Variants in ANGPTL1 observed in about 807,000 individuals in gnomAD.
ANGPTL1 encodes angiopoietin-related protein 1.
ANGPTL1 carries 36 observed loss-of-function variants against 46.7 expected under a neutral mutation model. That is an observed-to-expected ratio of 0.77 (90% CI 0.59 to 1.02). ANGPTL1 has a LOEUF of 1.02. ANGPTL1 is among the 50% of genes least tolerant of loss of function. The pLI, the probability that ANGPTL1 is intolerant of heterozygous loss-of-function variation, is 0.00. For synonymous variants in ANGPTL1, 221 were observed against 204.3 expected (o/e 1.08, Z -0.69); for missense variants, 571 against 594.7 (o/e 0.96, Z 0.41).
In ANGPTL1 at chr1:178,852,717, G is replaced by A. The variant is rs759074163; in HGVS notation, c.1254C>T (p.Phe418=). ...TATCTTTATCTCTGTCCAGTGTGGT[G>A]AATTGTTTACCATTATGCCACATCA... is the stretch of plus-strand genomic sequence containing the variant. ...DSMMWHNGKQ[F]TTLDRDKDMY... is the part of the protein sequence containing the mutation. The change falls in exon 5 of 6, where the codon TTC becomes TTT. Residue 418 remains phenylalanine, a synonymous_variant. Transcript: ENST00000234816. 2.5e-6 allele frequency: 4 copies of A among 1,613,704 alleles called. No homozygotes were observed. The African/African-American group carries it at 4.0e-5, about 16-fold the overall frequency.
chr1:178,868,753 A>C (rs1454776207), intron 2 of ANGPTL1, among the ~76,000 whole-genome samples: 6 of 152,016 alleles, frequency 3.9e-5, no homozygotes, highest in Non-Finnish European at 7.4e-5. Context: ...ATCACTGTTT[A>C]CCATAAGAGA....
At position 178,871,002 on chromosome 1, in the gene ANGPTL1, C is replaced by T. The variant is rs1658723567; in HGVS notation, c.-398G>A. On this transcript the variant is annotated 5_prime_UTR_variant, in exon 1 of 6. Coordinates refer to ENST00000234816, the MANE Select transcript of ANGPTL1 (RefSeq NM_004673.4). Reference sequence around the variant, plus strand: ...GCCGTCTTTAATCCAGCAGAGAAAGCGTTGTGGCTTTGCTCTGTCTGCCAC... The same window carrying T: ...GCCGTCTTTAATCCAGCAGAGAAAGTGTTGTGGCTTTGCTCTGTCTGCCAC... 4 of 152,146 alleles carry T rather than the reference C, an allele frequency of 2.6e-5. No individual in the cohort carries two copies. Among genetic ancestry groups the T allele is most frequent in the South Asian group, 2.1e-4 (1 of 4,828 alleles). 9.4% of individuals were successfully genotyped at this position (152,146 alleles called of 1,614,324 possible). A position where few individuals can be genotyped will look rare whatever the true frequency, so the allele number is the denominator to read the frequency against.
chr1:178,868,530 C>A, intron 2 of ANGPTL1, among the ~76,000 whole-genome samples: 1 of 151,830 alleles, frequency 6.6e-6, no homozygotes, highest in Admixed American at 6.6e-5. Context: ...GAGCAATATT[C>A]TGATTGAACA....
At chr1:178,858,831 A>G (rs1423513703) in intron 3 of ANGPTL1, among the ~76,000 whole-genome samples, 2 of 152,210 alleles carry the variant, frequency 1.3e-5, no homozygotes, top group Non-Finnish European at 2.9e-5. Context: ...CATCTGTAAC[A>G]TATGTGTTCT....
chr1:178,864,645 A>G (rs1288293814), intron 3 of ANGPTL1, among the ~76,000 whole-genome samples: 1 of 152,180 alleles, frequency 6.6e-6, no homozygotes, highest in Non-Finnish European at 1.5e-5. Flanking sequence ...TATGGTGCAC[A>G]GGAGTGGTTC....
intron 2 of ANGPTL1, among the ~76,000 whole-genome samples, chr1:178,867,865 G>A (rs553789048): frequency 2.6e-5 from 4 of 152,012 alleles, no homozygotes; most frequent in South Asian, 4.2e-4. Context: ...TTATGCTGTC[G>A]TCATGAAGAC....
chr1:178,862,925 T>TA (rs1031822369), intron 3 of ANGPTL1, among the ~76,000 whole-genome samples: 3 of 152,190 alleles, frequency 2.0e-5, no homozygotes, highest in African/African-American at 7.2e-5. Flanking sequence ...AAAACAGAGT[T>TA]ACACCAGTTG....
At chr1:178,867,655 C>T (rs1658498587) in intron 2 of ANGPTL1, among the ~76,000 whole-genome samples, 3 of 151,970 alleles carry the variant, frequency 2.0e-5, no homozygotes, top group Admixed American at 2.0e-4. Context: ...TGACCGGTTA[C>T]TTAATTATGC....
At chr1:178,866,818 C>T (rs958672181) in intron 2 of ANGPTL1, among the ~76,000 whole-genome samples, 1 of 152,248 alleles carries the variant, frequency 6.6e-6, no homozygotes, top group Non-Finnish European at 1.5e-5. Context: ...TAGAATGTTT[C>T]GTTTTTGCTG....
chr1:178,865,624 G>A lies in ANGPTL1; in HGVS notation c.153C>T (p.Tyr51=), dbSNP rs1225828849. The A allele has an allele frequency of 2.5e-6, 4 of 1,613,950 alleles. No individual in the cohort carries two copies. The South Asian group carries it at 4.4e-5, about 18-fold the overall frequency. The change falls in exon 3 of 6, where the codon TAC becomes TAT. Residue 51 remains tyrosine (Y), a synonymous_variant. Transcript: ENST00000234816. ...DGKEEAKKCA[Y]TFLVPEQRIT... Reference sequence around the variant, plus strand: ...TTCTTTGTTCAGGTACCAGGAATGTGTATGCACATTTCTTTGCTTCCTCTT... The same window carrying A: ...TTCTTTGTTCAGGTACCAGGAATGTATATGCACATTTCTTTGCTTCCTCTT...
chr1:178,853,465 A>T (rs988296316), intron 4 of ANGPTL1, 129 bp downstream of exon 4: 58 of 841,244 alleles, frequency 6.9e-5, no homozygotes, highest in Admixed American at 3.2e-4. Flanking sequence ...TGACAGATGT[A>T]GATAATGAAA....
chr1:178,859,040 T>G (rs1572413436), intron 3 of ANGPTL1, among the ~76,000 whole-genome samples: 1 of 152,192 alleles, frequency 6.6e-6, no homozygotes, highest in South Asian at 2.1e-4. Flanking sequence ...GTGGGAAGTT[T>G]GAGACAAATA....
intron 3 of ANGPTL1, among the ~76,000 whole-genome samples, chr1:178,862,268 T>C (rs1255652092): frequency 2.0e-5 from 3 of 152,112 alleles, no homozygotes; most frequent in Non-Finnish European, 4.4e-5. Flanking sequence ...AAATCCAATA[T>C]GATATAACGT....
At chr1:178,867,145 G>A (rs1658465057) in intron 2 of ANGPTL1, among the ~76,000 whole-genome samples, 1 of 152,092 alleles carries the variant, frequency 6.6e-6, no homozygotes, top group Non-Finnish European at 1.5e-5. Context: ...GTTTATGCCT[G>A]TTGTTAATAA....
At chr1:178,858,116 G>A (rs940913058) in intron 3 of ANGPTL1, among the ~76,000 whole-genome samples, 4 of 152,064 alleles carry the variant, frequency 2.6e-5, no homozygotes, top group African/African-American at 4.8e-5. Flanking sequence ...AAATTTAGCA[G>A]TGCCTAAAGC....
chr1:178,851,755 T>G (rs1354730040), intron 5 of ANGPTL1, among the ~76,000 whole-genome samples: 1 of 152,092 alleles, frequency 6.6e-6, no homozygotes, highest in Admixed American at 6.5e-5. Flanking sequence ...ATAAGACATA[T>G]GTTATGGTCT....
intron 3 of ANGPTL1, among the ~76,000 whole-genome samples, chr1:178,858,724 C>T (rs1047831961): frequency 6.6e-6 from 1 of 151,970 alleles, no homozygotes; most frequent in Non-Finnish European, 1.5e-5. Flanking sequence ...ACATTATTTC[C>T]CAAGGTGTAT....
chr1:178,852,931 C>T lies in ANGPTL1; in HGVS notation c.1040G>A (p.Gly347Glu). ...NYKKGFGNID[G>E]EYWLGLENIY... ...ATTTTCCAGTCCAAGCCAGTATTCT[C>T]CGTCAATGTTTCCAAACCCTTTCTG... The change falls in exon 5 of 6, where the codon GGA becomes GAA. Residue 347 changes from glycine to glutamate, a missense_variant. By Grantham distance (98) the Gly-to-Glu change is moderately conservative (BLOSUM62 -2). Coordinates refer to ENST00000234816, the MANE Select transcript of ANGPTL1 (RefSeq NM_004673.4). The T allele has an allele frequency of 2.5e-6, 4 of 1,611,822 alleles. No individual in the cohort carries two copies. The highest frequency in any genetic ancestry group is 8.5e-7 in the Non-Finnish European group (1 of 1,178,942).
At chr1:178,853,053 C>T in intron 4 of ANGPTL1, 100 bp from the exon 5 acceptor site, 2 of 1,475,094 alleles carry the variant, frequency 1.4e-6, no homozygotes, top group Non-Finnish European at 1.8e-6. Flanking sequence ...AAGATACTGG[C>T]CATTTAAGTG....
Sources: allele counts gnomAD v4.1 joint callset (sites outside exome capture counted in the v4.1 genomes callset), GRCh38; gene constraint gnomAD v4.1.1; transcripts MANE v1.5; gene names NCBI Gene and HGNC (gene_info 2026-07-23, HGNC 2026-07-21).